The following PEBP4 variants were observed in gnomAD, a reference collection of about 807,000 sequenced individuals.
PEBP4 encodes phosphatidylethanolamine-binding protein 4.
PEBP4 carries 22 observed loss-of-function variants against 23.9 expected under a neutral mutation model. The observed-to-expected ratio is 0.92, with a 90% CI of 0.66 to 1.31. PEBP4 has a LOEUF of 1.31. Among genes scored for constraint, PEBP4 ranks in the 40% most tolerant of loss-of-function variants. The pLI, the probability that PEBP4 is intolerant of heterozygous loss-of-function variation, is 0.00. For missense variants in PEBP4, 324 were observed against 281.7 expected, an observed-to-expected ratio of 1.15 and a Z score of -1.07; for synonymous variants, 112 against 99.3, an observed-to-expected ratio of 1.13 and a Z score of -0.76.
rs193235633 is a variant in PEBP4 at position 22,906,500 on chromosome 8, A to G, written c.258+13684T>C. On this transcript the variant is annotated intron_variant, in intron 3 of 6. Transcript: ENST00000256404. ...CTCCCTCTCCTCTTTCTCTCTCCTTAAATCTTTAAAAAAACAAACAAACAA... is the reference window on the plus strand; with the variant it reads ...CTCCCTCTCCTCTTTCTCTCTCCTTGAATCTTTAAAAAAACAAACAAACAA... Among the ~76,000 whole-genome samples, 4 of 152,196 alleles carry G rather than the reference A, an allele frequency of 2.6e-5. No homozygotes were observed. The East Asian group carries it at 7.7e-4, about 29-fold the overall frequency.
intron 4 of PEBP4, among the ~76,000 whole-genome samples, chr8:22,797,253 C>CA (rs57749113): frequency 3.2e-3 from 365 of 114,336 alleles, no homozygotes; most frequent in Non-Finnish European, 5.0e-3. Flanking sequence ...AACTCTGTCT[C>CA]AAAAAAAAAA....
intron 5 of PEBP4, among the ~76,000 whole-genome samples, chr8:22,726,030 T>TGTGTGC (rs60294653): frequency 6.7e-5 from 10 of 148,924 alleles, no homozygotes; most frequent in Admixed American, 4.0e-4. Context: ...TGTGTGTGTG[T>TGTGTGC]GCACGCGCAT....
At chr8:22,921,698 A>T (rs35388376) in intron 2 of PEBP4, among the ~76,000 whole-genome samples, 385 of 152,280 alleles carry the variant, frequency 2.5e-3, no homozygotes, top group Non-Finnish European at 4.6e-3. Context: ...TTGCTGAGCA[A>T]GTTTGTTTCT....
At chr8:22,815,276 C>G (rs115105033) in intron 4 of PEBP4, among the ~76,000 whole-genome samples, 1 of 152,220 alleles carries the variant, frequency 6.6e-6, no homozygotes, top group Non-Finnish European at 1.5e-5. Context: ...CTCAACCCCT[C>G]TGGATGCTTG....
At chr8:22,894,312 C>G (rs1240564141) in intron 3 of PEBP4, among the ~76,000 whole-genome samples, 1 of 152,170 alleles carries the variant, frequency 6.6e-6, no homozygotes, top group East Asian at 1.9e-4. Flanking sequence ...GTGGCTCACT[C>G]TATAATCCCA....
At chr8:22,764,336 G>C (rs528901982) in intron 4 of PEBP4, among the ~76,000 whole-genome samples, 1 of 152,266 alleles carries the variant, frequency 6.6e-6, no homozygotes, top group Non-Finnish European at 1.5e-5. Flanking sequence ...ACCTCCTCCA[G>C]GGTCTCTCTT....
At chr8:22,776,171 A>C (rs2313169) in intron 4 of PEBP4, among the ~76,000 whole-genome samples, 1 of 151,860 alleles carries the variant, frequency 6.6e-6, no homozygotes, top group African/African-American at 2.4e-5. Context: ...AGAATCCTGA[A>C]ATGCTGACGC....
intron 4 of PEBP4, among the ~76,000 whole-genome samples, chr8:22,760,780 C>T (rs1805491642): frequency 6.6e-6 from 1 of 152,130 alleles, no homozygotes; most frequent in Non-Finnish European, 1.5e-5. Context: ...TGTGCAAACC[C>T]CCAGACAACT....
intron 3 of PEBP4, among the ~76,000 whole-genome samples, chr8:22,875,562 A>G (rs764872766): frequency 1.3e-5 from 2 of 152,154 alleles, no homozygotes; most frequent in Non-Finnish European, 2.9e-5. Context: ...AACTGCTTAC[A>G]AACTTTGGCA....
chr8:22,862,129 A>C (rs949613775), intron 3 of PEBP4, among the ~76,000 whole-genome samples: 2 of 152,186 alleles, frequency 1.3e-5, no homozygotes, highest in African/African-American at 2.4e-5. Context: ...ATGGGGTGAC[A>C]ACAGATCCCA....
At chr8:22,800,588 GCTGTCT>G (rs1158881214) in intron 4 of PEBP4, among the ~76,000 whole-genome samples, 11 of 152,104 alleles carry the variant, frequency 7.2e-5, no homozygotes, top group Admixed American at 5.9e-4. Flanking sequence ...CCCTGGGCAG[GCTGTCT>G]CTGTCTTCTC....
rs1563230433 is a variant in PEBP4 at position 22,830,300 on chromosome 8, T to TG, written c.259-12566_259-12565insC. Among the ~76,000 whole-genome samples the TG allele has an allele frequency of 3.3e-3, 484 of 148,682 alleles. 4 individuals are homozygous for TG. Among genetic ancestry groups the TG allele is most frequent in the African/African-American group, 0.011 (438 of 40,372 alleles). Reference sequence around the variant, plus strand: ...GCGCACCACCACGCCTGGCTAATTTTTGTGTGTGTGTGTGTGTGTATTTTA... The same window carrying TG: ...GCGCACCACCACGCCTGGCTAATTTTGTGTGTGTGTGTGTGTGTGTATTTTA... On this transcript the variant is annotated intron_variant, in intron 3 of 6. Transcript: ENST00000256404.
At chr8:22,835,811 A>G (rs1807193114) in intron 3 of PEBP4, among the ~76,000 whole-genome samples, 1 of 152,226 alleles carries the variant, frequency 6.6e-6, no homozygotes, top group South Asian at 2.1e-4. Flanking sequence ...CTGCTTGCGC[A>G]TGGCAACCCC....
At chr8:22,727,033 A>G (rs917898543) in intron 5 of PEBP4, 142 bp downstream of exon 5, 1 of 832,972 alleles carries the variant, frequency 1.2e-6, no homozygotes, top group African/African-American at 1.7e-5. Flanking sequence ...CATAAAAGGC[A>G]GTTGTGGAGA....
chr8:22,928,609 G>A (rs893720210), upstream of PEBP4, among the ~76,000 whole-genome samples: 4 of 152,012 alleles, frequency 2.6e-5, no homozygotes, highest in Admixed American at 6.5e-5. Flanking sequence ...AGCCTGAGTG[G>A]GCAGGGAGAA....
chr8:22,795,163 ATTTTTTTTTTTTTT>A (rs33911395), intron 4 of PEBP4, among the ~76,000 whole-genome samples: 4 of 47,344 alleles, frequency 8.4e-5, no homozygotes, highest in South Asian at 9.1e-4. Flanking sequence ...ATATATATAT[ATTTTTTTTTTTTTT>A]TTTTTTTTTT....
At chr8:22,735,686 T>A (rs1020482592) in intron 4 of PEBP4, among the ~76,000 whole-genome samples, 1 of 152,178 alleles carries the variant, frequency 6.6e-6, no homozygotes, top group African/African-American at 2.4e-5. Context: ...CCAGAGTTGG[T>A]TGGCTGAGCT....
At chr8:22,863,812 G>A (rs775699993) in intron 3 of PEBP4, among the ~76,000 whole-genome samples, 1 of 152,136 alleles carries the variant, frequency 6.6e-6, no homozygotes, top group Non-Finnish European at 1.5e-5. Flanking sequence ...GAGATGTTAG[G>A]CCTGCCTAAC....
chr8:22,776,823 ACTC>A lies in PEBP4; in HGVS notation c.357+40811_357+40813del, dbSNP rs1358376806. On this transcript the variant is annotated intron_variant, in intron 4 of 6. Coordinates refer to ENST00000256404, the MANE Select transcript of PEBP4 (RefSeq NM_144962.3). ...TGGTCAATGAATCCCATGCCAGCTG[ACTC>A]CTCCTCTTCAGAGCAGCGCTGAAGT... Among the ~76,000 whole-genome samples, 5 of 148,860 alleles carry A rather than the reference ACTC, an allele frequency of 3.4e-5. No individual in the cohort carries two copies. In the South Asian group the frequency reaches 8.9e-4, roughly 26 times the overall value.
Sources: allele counts gnomAD v4.1 joint callset (sites outside exome capture counted in the v4.1 genomes callset), GRCh38; gene constraint gnomAD v4.1.1; transcripts MANE v1.5; gene names NCBI Gene and HGNC (gene_info 2026-07-23, HGNC 2026-07-21).